Variants in L3MBTL3 observed in about 807,000 individuals in gnomAD.
L3MBTL3 encodes lethal(3)malignant brain tumor-like protein 3.
L3MBTL3 carries 27 observed loss-of-function variants against 102.3 expected under a neutral mutation model. That is an observed-to-expected ratio of 0.26 (90% CI 0.19 to 0.36). L3MBTL3 has a LOEUF of 0.36. Among genes scored for constraint, L3MBTL3 ranks in the 10% least tolerant of loss-of-function variants. The pLI is 1.00. For synonymous variants in L3MBTL3, 340 were observed against 320.9 expected (o/e 1.06, Z -0.64); for missense variants, 798 against 955.3 (o/e 0.84, Z 2.17).
intron 2 of L3MBTL3, among the ~76,000 whole-genome samples, chr6:130,031,632 T>C (rs1375114150): frequency 6.6e-6 from 1 of 152,162 alleles, no homozygotes; most frequent in East Asian, 1.9e-4. Context: ...TAGTCTTGTT[T>C]AAGTGCAATC....
intron 18 of L3MBTL3, among the ~76,000 whole-genome samples, chr6:130,096,247 AAAT>A (rs1481587957): frequency 5.9e-5 from 9 of 152,266 alleles, no homozygotes; most frequent in African/African-American, 2.2e-4. Flanking sequence ...ACTACTCCAT[AAAT>A]TAGTCACAGA....
At chr6:130,091,593 T>C (rs1018380324) in intron 16 of L3MBTL3, among the ~76,000 whole-genome samples, 1 of 152,044 alleles carries the variant, frequency 6.6e-6, no homozygotes, top group Non-Finnish European at 1.5e-5. Context: ...AGCTAAGATA[T>C]GGAAGGAACC....
rs1234467110 is a variant in L3MBTL3, at chr6:130,052,874, A to G, written c.465A>G (p.Glu155=). ...AACACAACAGAGATCAGAAGGAAGA[A>G]AGGGACGTAGAAGAAGACAATGAGG... is the stretch of plus-strand genomic sequence containing the variant. ...RHIKDKDQKE[E]RDVEEDNEEE... The change falls in exon 7 of 23, where the codon GAA becomes GAG. Residue 155 remains glutamate (E), a synonymous_variant. Coordinates refer to ENST00000361794, the MANE Select transcript of L3MBTL3 (RefSeq NM_032438.4). 1 of 1,613,652 alleles carries G rather than the reference A, an allele frequency of 6.2e-7. No homozygotes were observed. The highest frequency in any genetic ancestry group is 2.2e-5 in the East Asian group (1 of 44,900).
intron 14 of L3MBTL3, among the ~76,000 whole-genome samples, chr6:130,082,296 G>A (rs1012594550): frequency 2.0e-5 from 3 of 152,034 alleles, no homozygotes; most frequent in Admixed American, 6.6e-5. Context: ...GACATTCCTG[G>A]CATGAATTAT....
intron 2 of L3MBTL3, among the ~76,000 whole-genome samples, chr6:130,026,268 CCT>C (rs1245089926): frequency 1.3e-5 from 2 of 152,036 alleles, no homozygotes; most frequent in Non-Finnish European, 2.9e-5. Context: ...CTGACTATTA[CCT>C]CTCATACTTT....
intron 4 of L3MBTL3, 137 bp downstream of exon 4, chr6:130,049,530 A>G: frequency 1.4e-6 from 1 of 718,888 alleles, no homozygotes; most frequent in South Asian, 2.0e-5. Flanking sequence ...AAATTTCTAT[A>G]ATGAAACTGA....
chr6:130,088,052 A>T (rs1267560844), intron 16 of L3MBTL3, among the ~76,000 whole-genome samples: 2 of 152,194 alleles, frequency 1.3e-5, no homozygotes, highest in African/African-American at 4.8e-5. Flanking sequence ...GAGGTCAAGT[A>T]TGCTCAAGTG....
At chr6:130,132,964 T>G (rs916841101) in intron 20 of L3MBTL3, among the ~76,000 whole-genome samples, 8 of 149,564 alleles carry the variant, frequency 5.3e-5, no homozygotes, top group Non-Finnish European at 1.2e-4. Flanking sequence ...TCAGTATGAT[T>G]AGTAAATAAG....
At chr6:130,136,634 T>TC (rs1399490556) in intron 22 of L3MBTL3, among the ~76,000 whole-genome samples, 2 of 151,792 alleles carry the variant, frequency 1.3e-5, no homozygotes, top group Admixed American at 6.6e-5. Context: ...CCTTTTTTTT[T>TC]TGAGACAGAG....
chr6:130,033,692 A>G (rs1385462699), intron 2 of L3MBTL3, among the ~76,000 whole-genome samples: 2 of 152,204 alleles, frequency 1.3e-5, no homozygotes, highest in African/African-American at 4.8e-5. Flanking sequence ...GGTCATGTCT[A>G]CCCTCATTTT....
chr6:130,125,947 C>A (rs56254003), intron 20 of L3MBTL3, among the ~76,000 whole-genome samples: 2,944 of 151,556 alleles, frequency 0.019, 113 homozygotes, highest in African/African-American at 0.068. Context: ...TTCCCTCCCC[C>A]CCACCCATTT....
chr6:130,132,790 A>T (rs1787204372), intron 20 of L3MBTL3, among the ~76,000 whole-genome samples: 1 of 151,762 alleles, frequency 6.6e-6, no homozygotes. Context: ...CTTTCAAGAG[A>T]TGGGACCTTG....
At chr6:130,089,839 C>CAAAAAA (rs35333288) in intron 16 of L3MBTL3, among the ~76,000 whole-genome samples, 1 of 146,292 alleles carries the variant, frequency 6.8e-6, no homozygotes. Context: ...TTTTTCACAG[C>CAAAAAA]AAAAAAAAAA....
chr6:130,133,750 T>G lies in L3MBTL3; in HGVS notation c.2137-93T>G. ...AGAGAAGAAATTATTGTGAGAGAAA[T>G]AACTAATGCATATGGGTTAAATGTT... is the stretch of plus-strand genomic sequence containing the variant. On this transcript the variant is annotated intron_variant, in intron 21 of 22. Coordinates refer to ENST00000361794, the MANE Select transcript of L3MBTL3 (RefSeq NM_032438.4). The surrounding 1 kb of genome is among the most constrained non-coding windows in gnomAD (Gnocchi z 4.9). 6.9e-7 allele frequency: 1 copy of G among 1,453,532 alleles called. No homozygotes were observed. The highest frequency in any genetic ancestry group is 1.2e-5 in the South Asian group (1 of 84,972). The allele number at this position is 1,453,532 out of a possible 1,614,324, so 90.0% of individuals were successfully genotyped here.
intron 2 of L3MBTL3, among the ~76,000 whole-genome samples, chr6:130,032,906 C>T (rs1197888383): frequency 1.3e-5 from 2 of 151,938 alleles, no homozygotes; most frequent in Admixed American, 6.6e-5. Flanking sequence ...GGTGGTAGGA[C>T]CGCTTGAGCC....
At chr6:130,103,665 C>G (rs532398138) in intron 18 of L3MBTL3, among the ~76,000 whole-genome samples, 3 of 152,290 alleles carry the variant, frequency 2.0e-5, no homozygotes, top group Admixed American at 2.0e-4. Context: ...AGCAGTTGCC[C>G]AGTTGTTTCA....
intron 11 of L3MBTL3, 38 bp downstream of exon 11, chr6:130,066,526 A>G: frequency 1.3e-6 from 2 of 1,573,392 alleles, no homozygotes; most frequent in Non-Finnish European, 1.7e-6. Context: ...AAATTCAGTA[A>G]AAACTCATTT....
At chr6:130,060,822 T>C (rs1361732481) in intron 10 of L3MBTL3, among the ~76,000 whole-genome samples, 1 of 152,034 alleles carries the variant, frequency 6.6e-6, no homozygotes, top group Non-Finnish European at 1.5e-5. Flanking sequence ...CCTCCTATGC[T>C]AGCCTTCTCC....
intron 20 of L3MBTL3, among the ~76,000 whole-genome samples, chr6:130,131,541 C>A (rs2114404831): frequency 6.6e-6 from 1 of 152,282 alleles, no homozygotes; most frequent in Middle Eastern, 3.4e-3. Flanking sequence ...GGGTCGCAGT[C>A]CAGACCCCAG....
Sources: allele counts gnomAD v4.1 joint callset (sites outside exome capture counted in the v4.1 genomes callset), GRCh38; gene constraint gnomAD v4.1.1; non-coding constraint Gnocchi (gnomAD v3.1); transcripts MANE v1.5; gene names NCBI Gene and HGNC (gene_info 2026-07-23, HGNC 2026-07-21).